The following SRPK2 variants were observed in gnomAD, a reference collection of about 807,000 sequenced individuals.
The protein encoded by SRPK2 is SFRS protein kinase 2.
SRPK2 carries 21 observed loss-of-function variants against 90.8 expected under a neutral mutation model. The observed-to-expected ratio is 0.23, with a 90% CI of 0.16 to 0.33. SRPK2 has a LOEUF of 0.33. Ranked by LOEUF, SRPK2 falls within the 10% of genes least tolerant of loss-of-function variation. The pLI is 1.00. For synonymous variants in SRPK2, 288 were observed against 311.1 expected (o/e 0.93, Z 0.78); for missense variants, 620 against 869.0 (o/e 0.71, Z 3.60).
At chr7:105,338,551 C>G (rs1316147375) in intron 2 of SRPK2, among the ~76,000 whole-genome samples, 1 of 152,178 alleles carries the variant, frequency 6.6e-6, no homozygotes, top group Non-Finnish European at 1.5e-5. Context: ...GCCACTGTGC[C>G]CCGCAGATTT....
intron 7 of SRPK2, among the ~76,000 whole-genome samples, chr7:105,152,267 A>T (rs1805806080): frequency 6.6e-6 from 1 of 152,034 alleles, no homozygotes; most frequent in African/African-American, 2.4e-5. Flanking sequence ...CTCCTGCCTC[A>T]GCCTCCCTAG....
chr7:105,242,111 G>C (rs1049823656), intron 2 of SRPK2, among the ~76,000 whole-genome samples: 7 of 152,178 alleles, frequency 4.6e-5, no homozygotes, highest in South Asian at 2.1e-4. Flanking sequence ...TTCTAAGTCT[G>C]TGACTTCATC....
At chr7:105,170,782 CGGGAGGGAGGGA>C (rs1186265835) in intron 3 of SRPK2, among the ~76,000 whole-genome samples, 3 of 29,338 alleles carry the variant, frequency 1.0e-4, no homozygotes, top group Non-Finnish European at 1.8e-4. Flanking sequence ...GAAGGAAGGA[CGGGAGGGAGGGA>C]GGGAGGGAGG....
intron 4 of SRPK2, among the ~76,000 whole-genome samples, chr7:105,168,357 G>A (rs1325273498): frequency 6.6e-6 from 1 of 152,134 alleles, no homozygotes; most frequent in Non-Finnish European, 1.5e-5. Flanking sequence ...TGTATATGGT[G>A]TATATGAAAT....
intron 2 of SRPK2, among the ~76,000 whole-genome samples, chr7:105,330,376 A>G (rs1484920259): frequency 6.6e-6 from 1 of 151,444 alleles, no homozygotes; most frequent in Non-Finnish European, 1.5e-5. Flanking sequence ...AAAATATAAA[A>G]AATAAAAATA....
chr7:105,132,823 T>A lies in SRPK2; in HGVS notation c.1720A>T (p.Thr574Ser). 2 of 1,610,154 alleles carry A rather than the reference T, an allele frequency of 1.2e-6. No homozygotes were observed. Among genetic ancestry groups the A allele is most frequent in the Non-Finnish European group, 1.7e-6 (2 of 1,177,986 alleles). Residue 574 changes from threonine to serine, a missense_variant, in exon 13 of 16, where the codon ACC becomes TCC. Around this residue, in one of 8 missense-constraint regions of SRPK2, gnomAD observed 25 missense variants for 21.4 expected, o/e 1.17. Coordinates refer to ENST00000393651, the MANE Select transcript of SRPK2 (RefSeq NM_182692.3). ...GCCGTGCTCCAGATGTCCGCAGGGG[T>A]GCTGTACCCCGCTCCTATTAAAACC... is the stretch of plus-strand genomic sequence containing the variant. ...IEVLIGAGYS[T>S]PADIWSTACM... is the part of the protein sequence containing the mutation.
At chr7:105,185,854 T>C (rs1233096272) in intron 3 of SRPK2, among the ~76,000 whole-genome samples, 1 of 152,188 alleles carries the variant, frequency 6.6e-6, no homozygotes, top group Non-Finnish European at 1.5e-5. Context: ...AATTTAGACA[T>C]ACTTAGTAGA....
intron 2 of SRPK2, among the ~76,000 whole-genome samples, chr7:105,341,991 G>C (rs1294932323): frequency 6.6e-6 from 1 of 150,964 alleles, no homozygotes; most frequent in Non-Finnish European, 1.5e-5. Flanking sequence ...GGGCTGGGCA[G>C]GGTGACTCAT....
chr7:105,182,439 GT>G (rs1225223990), intron 3 of SRPK2, among the ~76,000 whole-genome samples: 1 of 139,494 alleles, frequency 7.2e-6, no homozygotes, highest in Non-Finnish European at 1.5e-5. Flanking sequence ...TTGTGACTTT[GT>G]TTCCCCCCCC....
At chr7:105,374,165 G>A (rs1414950975) in intron 2 of SRPK2, among the ~76,000 whole-genome samples, 2 of 152,016 alleles carry the variant, frequency 1.3e-5, no homozygotes, top group South Asian at 2.1e-4. Flanking sequence ...CACCTCAAGT[G>A]ATCTGCCCAC....
At chr7:105,206,384 A>G (rs1796241475) in intron 2 of SRPK2, 1 of 177,960 alleles carries the variant, frequency 5.6e-6, no homozygotes. Flanking sequence ...TGTCTCTCTC[A>G]CTTACTCTTT....
At chr7:105,339,735 G>A (rs2131855206) in intron 2 of SRPK2, among the ~76,000 whole-genome samples, 1 of 152,282 alleles carries the variant, frequency 6.6e-6, no homozygotes, top group Admixed American at 6.5e-5. Flanking sequence ...TGCCTTGATT[G>A]ATGCTAATAC....
chr7:105,126,925 G>C lies in SRPK2; in HGVS notation c.1822+68C>G, dbSNP rs971996442. On this transcript the variant is annotated intron_variant, in intron 14 of 15. Coordinates refer to ENST00000393651, the MANE Select transcript of SRPK2 (RefSeq NM_182692.3). ...GGCTCTATTTCAGTACAAAAATACA[G>C]TACTCTACAGAAGTTCAGGGCTGGC... The C allele has an allele frequency of 1.3e-5, 19 of 1,464,392 alleles. No individual in the cohort carries two copies. In the Admixed American group the frequency reaches 3.3e-4, roughly 26 times the overall value. The allele number at this position is 1,464,392 out of a possible 1,614,324, so 90.7% of individuals were successfully genotyped here.
intron 1 of SRPK2, chr7:105,399,069 GTTAAGCAATGTGTTATT>G: frequency 2.0e-5 from 3 of 152,152 alleles, no homozygotes; most frequent in African/African-American, 7.2e-5. Context: ...TATGTGCCAT[GTTAAGCAATGTGTTATT>G]TATCTATTGC....
intron 2 of SRPK2, among the ~76,000 whole-genome samples, chr7:105,373,363 CCTTTA>C (rs1819916027): frequency 6.6e-6 from 1 of 150,632 alleles, no homozygotes; most frequent in East Asian, 1.9e-4. Context: ...AACTTTCCTT[CCTTTA>C]CTTTGCCACA....
intron 2 of SRPK2, among the ~76,000 whole-genome samples, chr7:105,369,737 G>C (rs1819490986): frequency 6.6e-6 from 1 of 151,978 alleles, no homozygotes; most frequent in African/African-American, 2.4e-5. Flanking sequence ...CCCCATAAAA[G>C]TGACTGAAGG....
intron 11 of SRPK2, among the ~76,000 whole-genome samples, chr7:105,136,208 A>G (rs544747873): frequency 6.6e-6 from 1 of 152,358 alleles, no homozygotes; most frequent in East Asian, 1.9e-4. Flanking sequence ...ATGCTAGGTA[A>G]TGTATCTCAA....
chr7:105,283,084 G>A (rs970448814), intron 2 of SRPK2, among the ~76,000 whole-genome samples: 2 of 152,144 alleles, frequency 1.3e-5, no homozygotes, highest in Admixed American at 6.5e-5. Context: ...GCAAATCAAA[G>A]TAACAGTGAA....
Position 105,346,410 on chromosome 7 carries a change from T to G in SRPK2, c.71+42238A>C, listed in dbSNP as rs143402312. Among the ~76,000 whole-genome samples, 1,393 of 152,172 alleles carry G rather than the reference T, an allele frequency of 9.2e-3. 17 individuals are homozygous for G. The highest frequency in any genetic ancestry group is 0.011 in the Non-Finnish European group (780 of 68,008). On this transcript the variant is annotated intron_variant, in intron 2 of 15. Coordinates refer to ENST00000393651, the MANE Select transcript of SRPK2 (RefSeq NM_182692.3). ...ATGGTGACTGGAACACAGAGGGTAC[T>G]CAAACAACTGTTATATGAAGGTCAA...
Sources: gnomAD v4.1 joint callset for allele counts (sites outside exome capture counted in the v4.1 genomes callset) on GRCh38, gnomAD v4.1.1 for gene constraint, gnomAD v4.1.1 regional missense constraint, MANE v1.5 for transcripts, NCBI Gene and HGNC (gene_info 2026-07-23, HGNC 2026-07-21) for gene names.